Variants in SRPK2 observed in about 807,000 individuals in gnomAD.
SRPK2 encodes the protein SRSF protein kinase 2, also known as SFRS protein kinase 2.
A neutral mutation model predicts 90.8 loss-of-function variants in SRPK2; 21 were observed. That is an observed-to-expected ratio of 0.23 (90% CI 0.16 to 0.33). SRPK2 has a LOEUF of 0.33. Ranked by LOEUF, SRPK2 falls within the 10% of genes least tolerant of loss-of-function variation. The probability of loss-of-function intolerance (pLI) is 1.00; values close to 1 mark genes in which losing one functional copy is unlikely to be tolerated. For synonymous variants in SRPK2, 288 were observed against 311.1 expected (o/e 0.93, Z 0.78); for missense variants, 620 against 869.0 (o/e 0.71, Z 3.60).
chr7:105,244,455 T>TC (rs1801289117), intron 2 of SRPK2, among the ~76,000 whole-genome samples: 1 of 152,152 alleles, frequency 6.6e-6, no homozygotes, highest in African/African-American at 2.4e-5. Flanking sequence ...GCGCCTGTAA[T>TC]CCCAGCTACT....
At chr7:105,170,908 A>G (rs1261714818) in intron 3 of SRPK2, among the ~76,000 whole-genome samples, 3 of 123,192 alleles carry the variant, frequency 2.4e-5, no homozygotes, top group Non-Finnish European at 3.4e-5. Context: ...AGAAAGAAAG[A>G]AAGAAAGGAG....
intron 2 of SRPK2, among the ~76,000 whole-genome samples, chr7:105,205,517 TCACACA>T (rs543121144): frequency 0.053 from 5,060 of 95,270 alleles, 153 homozygotes; most frequent in African/African-American, 0.11. Flanking sequence ...TCTCTCTCTC[TCACACA>T]CACACACACA....
At chr7:105,129,373 A>G (rs943476727) in intron 13 of SRPK2, among the ~76,000 whole-genome samples, 1 of 151,914 alleles carries the variant, frequency 6.6e-6, no homozygotes, top group South Asian at 2.1e-4. Flanking sequence ...AATGAAAAAA[A>G]CTCTGCCTTC....
chr7:105,303,735 C>T (rs950568363), intron 2 of SRPK2, among the ~76,000 whole-genome samples: 4 of 152,014 alleles, frequency 2.6e-5, no homozygotes, highest in African/African-American at 9.7e-5. Context: ...TTTCGTAAAC[C>T]TGTTTCTTCA....
intron 3 of SRPK2, among the ~76,000 whole-genome samples, chr7:105,181,699 A>T (rs1792834101): frequency 6.6e-6 from 1 of 152,126 alleles, no homozygotes; most frequent in East Asian, 1.9e-4. Context: ...GGGGAACAAC[A>T]GACACTGGGG....
intron 3 of SRPK2, chr7:105,189,460 A>C (rs1181386303): frequency 6.5e-6 from 1 of 153,910 alleles, no homozygotes; most frequent in Non-Finnish European, 1.4e-5. Flanking sequence ...GCTGAGGAGA[A>C]GGAAGTGTAA....
At chr7:105,193,312 T>G (rs1210010776) in intron 3 of SRPK2, among the ~76,000 whole-genome samples, 1 of 152,184 alleles carries the variant, frequency 6.6e-6, no homozygotes, top group East Asian at 1.9e-4. Context: ...GTTCCCTTTT[T>G]TGTTTGCTTT....
intron 2 of SRPK2, among the ~76,000 whole-genome samples, chr7:105,367,351 C>T (rs1388652641): frequency 6.6e-6 from 1 of 152,108 alleles, no homozygotes; most frequent in Admixed American, 6.6e-5. Context: ...CAACCTCGGC[C>T]TCCTGGGGTC....
Position 105,305,412 on chromosome 7 carries a change from TCTC to T in SRPK2, c.71+83233_71+83235del, listed in dbSNP as rs1422430238. On this transcript the variant is annotated intron_variant, in intron 2 of 15. Transcript: ENST00000393651. ...AGTGAGCCGAGACTGTGCCACACAG[TCTC>T]GCACAATAGAGCGAGACTCTGTCAC... Among the ~76,000 whole-genome samples, 780 of 107,662 alleles carry T rather than the reference TCTC, an allele frequency of 7.2e-3. 11 individuals are homozygous for T. In the East Asian group the frequency reaches 0.22, roughly 31 times the overall value. 70.6% of individuals were successfully genotyped at this position (107,662 alleles called of 152,430 possible).
chr7:105,160,624 G>A lies in SRPK2; in HGVS notation c.515-11C>T. 1 of 1,558,542 alleles carries A rather than the reference G, an allele frequency of 6.4e-7. No homozygotes were observed. The highest frequency in any genetic ancestry group is 1.4e-5 in the African/African-American group (1 of 73,960). ...AGACCATGCAGACATCTGGGACACA[G>A]TTAAGGATCGTTTGTGGATGCACTG... On this transcript the variant is annotated splice_polypyrimidine_tract_variant and intron_variant, in intron 6 of 15. Coordinates refer to ENST00000393651, the MANE Select transcript of SRPK2 (RefSeq NM_182692.3).
chr7:105,346,829 C>T (rs1816513325), intron 2 of SRPK2, among the ~76,000 whole-genome samples: 1 of 146,512 alleles, frequency 6.8e-6, no homozygotes, highest in African/African-American at 2.5e-5. Flanking sequence ...ACTGATGGAG[C>T]TTCCAGTCTT....
At position 105,216,209 on chromosome 7, in the gene SRPK2, A is replaced by G. The variant is rs535454622; in HGVS notation, c.72-12424T>C. Among the ~76,000 whole-genome samples, 10 of 152,336 alleles carry G rather than the reference A, an allele frequency of 6.6e-5. No homozygotes were observed. The East Asian group carries it at 1.9e-3, about 29-fold the overall frequency. On this transcript the variant is annotated intron_variant, in intron 2 of 15. Transcript: ENST00000393651. The stretch of plus-strand genomic sequence containing the variant: ...CTTTTAATAAAGTTGTTATGCAAAA[A>G]TAATGAAACACTTCTACATGTATTA...
chr7:105,274,680 C>A (rs1806260732), intron 2 of SRPK2, among the ~76,000 whole-genome samples: 1 of 151,486 alleles, frequency 6.6e-6, no homozygotes, highest in Admixed American at 6.6e-5. Context: ...ATCACCACAT[C>A]CAGACAATGA....
chr7:105,151,620 C>T (rs1272650486), intron 7 of SRPK2, among the ~76,000 whole-genome samples: 1 of 152,184 alleles, frequency 6.6e-6, no homozygotes, highest in African/African-American at 2.4e-5. Context: ...AAGTAAAGCA[C>T]ACTGAAGCCT....
rs558505124 is a variant in SRPK2, at chr7:105,191,392, G to A, written c.229+12236C>T. On this transcript the variant is annotated intron_variant, in intron 3 of 15. Coordinates refer to ENST00000393651, the MANE Select transcript of SRPK2 (RefSeq NM_182692.3). The stretch of plus-strand genomic sequence containing the variant: ...TCAAGAACAGCCTGGGTAACATAGT[G>A]AATCCTGTCTCTACAAAAAAATTTA... Among the ~76,000 whole-genome samples, 4 of 152,176 alleles carry A rather than the reference G, an allele frequency of 2.6e-5. No individual in the cohort carries two copies. In the South Asian group the frequency reaches 6.2e-4, roughly 24 times the overall value.
At chr7:105,399,346 T>G (rs1822405817), upstream of SRPK2, 1 of 152,184 alleles carries the variant, frequency 6.6e-6, no homozygotes, top group Non-Finnish European at 1.5e-5. Context: ...AGTGGCTGGC[T>G]TCCCCCAGAG....
At chr7:105,266,131 A>AT (rs780844624) in intron 2 of SRPK2, among the ~76,000 whole-genome samples, 1 of 152,140 alleles carries the variant, frequency 6.6e-6, no homozygotes, top group African/African-American at 2.4e-5. Context: ...TATTAGGATA[A>AT]CGTATTTCCC....
At chr7:105,365,510 T>TATATATA (rs1490581230) in intron 2 of SRPK2, among the ~76,000 whole-genome samples, 1 of 116,370 alleles carries the variant, frequency 8.6e-6, no homozygotes, top group African/African-American at 3.4e-5. Flanking sequence ...AAAAAAAAAA[T>TATATATA]TATATATATA....
At chr7:105,248,806 G>A (rs1465827790) in intron 2 of SRPK2, among the ~76,000 whole-genome samples, 3 of 151,794 alleles carry the variant, frequency 2.0e-5, no homozygotes, top group Non-Finnish European at 4.4e-5. Flanking sequence ...TTAGCCGGGT[G>A]TGGTGTTGGG....
Sources: allele counts gnomAD v4.1 joint callset (sites outside exome capture counted in the v4.1 genomes callset), GRCh38; gene constraint gnomAD v4.1.1; transcripts MANE v1.5; gene names NCBI Gene and HGNC (gene_info 2026-07-23, HGNC 2026-07-21).